The following GALNT17 variants were observed in gnomAD, a reference collection of about 807,000 sequenced individuals.
The protein encoded by GALNT17 is UDP-GalNAc:polypeptide N-acetylgalactosaminyltransferase-like 3.
Under a neutral mutation model 63.7 loss-of-function variants are expected in GALNT17, and 29 were observed. The observed-to-expected ratio is 0.46, with a 90% CI of 0.34 to 0.62. The LOEUF (loss-of-function observed/expected upper bound fraction) is 0.62. GALNT17 is among the 20% of genes least tolerant of loss of function. The probability of loss-of-function intolerance (pLI) is 0.01; values close to 1 mark genes in which losing one functional copy is unlikely to be tolerated. For synonymous variants in GALNT17, 305 were observed against 318.3 expected, an observed-to-expected ratio of 0.96 and a Z score of 0.45; for missense variants, 603 against 799.6, an observed-to-expected ratio of 0.75 and a Z score of 2.97.
At chr7:71,597,323 G>A (rs1789901646) in intron 6 of GALNT17, among the ~76,000 whole-genome samples, 1 of 152,104 alleles carries the variant, frequency 6.6e-6, no homozygotes, top group African/African-American at 2.4e-5. Flanking sequence ...ACAGGCGTGA[G>A]CCACCGTGCC....
chr7:71,360,779 C>G (rs2707429), intron 2 of GALNT17, among the ~76,000 whole-genome samples: 1 of 152,002 alleles, frequency 6.6e-6, no homozygotes, highest in Non-Finnish European at 1.5e-5. Context: ...CTAAAAAAAA[C>G]CCACAAAAAT....
At chr7:71,143,809 G>A (rs1787963155) in intron 1 of GALNT17, among the ~76,000 whole-genome samples, 2 of 151,998 alleles carry the variant, frequency 1.3e-5, no homozygotes, top group Non-Finnish European at 2.9e-5. Context: ...TGAGGCTAAG[G>A]TGGGAGGATC....
At chr7:71,287,409 T>C (rs1790894727) in intron 1 of GALNT17, among the ~76,000 whole-genome samples, 1 of 152,072 alleles carries the variant, frequency 6.6e-6, no homozygotes, top group Non-Finnish European at 1.5e-5. Context: ...GTCCTTAAAG[T>C]GCTTAAGAAA....
At chr7:71,512,494 C>T (rs57828696) in intron 5 of GALNT17, among the ~76,000 whole-genome samples, 2,269 of 152,266 alleles carry the variant, frequency 0.015, 53 homozygotes, top group African/African-American at 0.051. Flanking sequence ...CACCAGCCTT[C>T]TGGGAAGATG....
intron 1 of GALNT17, among the ~76,000 whole-genome samples, chr7:71,283,648 G>A (rs1318772971): frequency 6.6e-6 from 1 of 152,092 alleles, no homozygotes; most frequent in Admixed American, 6.6e-5. Context: ...CCTGTTGTGG[G>A]AGGGACCTGG....
intron 1 of GALNT17, among the ~76,000 whole-genome samples, chr7:71,327,129 T>C (rs6954649): frequency 0.64 from 96,603 of 151,476 alleles, 31,077 homozygotes; most frequent in African/African-American, 0.73. Flanking sequence ...GGTGACCACA[T>C]GTATGCCATT....
chr7:71,637,488 C>CTTT (rs1790544355), intron 6 of GALNT17, among the ~76,000 whole-genome samples: 1 of 128,494 alleles, frequency 7.8e-6, no homozygotes, highest in Non-Finnish European at 1.7e-5. Context: ...CGCACCTGGC[C>CTTT]ATTTTTTTTT....
intron 6 of GALNT17, among the ~76,000 whole-genome samples, chr7:71,647,939 T>C (rs568556110): frequency 4.6e-4 from 70 of 152,318 alleles, no homozygotes; most frequent in African/African-American, 1.3e-3. Flanking sequence ...CATTGCGGGC[T>C]GTGCAACAGG....
At chr7:71,357,475 G>A (rs933217298) in intron 2 of GALNT17, among the ~76,000 whole-genome samples, 1 of 152,152 alleles carries the variant, frequency 6.6e-6, no homozygotes, top group Non-Finnish European at 1.5e-5. Context: ...TCTCAAAAAG[G>A]TGAGGGACTG....
intron 5 of GALNT17, among the ~76,000 whole-genome samples, chr7:71,494,376 T>C (rs772167260): frequency 6.6e-6 from 1 of 152,052 alleles, no homozygotes; most frequent in Non-Finnish European, 1.5e-5. Flanking sequence ...CACAGGGTCT[T>C]GCTCTGTCAC....
intron 5 of GALNT17, among the ~76,000 whole-genome samples, chr7:71,457,905 C>G (rs1787383421): frequency 6.6e-6 from 1 of 152,186 alleles, no homozygotes; most frequent in African/African-American, 2.4e-5. Context: ...TGGAGTTGCT[C>G]TGTTTCAAAC....
At chr7:71,289,252 A>G (rs1224986931) in intron 1 of GALNT17, among the ~76,000 whole-genome samples, 1 of 150,900 alleles carries the variant, frequency 6.6e-6, no homozygotes, top group Non-Finnish European at 1.5e-5. Context: ...TGTTATCCCA[A>G]TCATTATTGG....
At chr7:71,549,121 C>T (rs551485411) in intron 5 of GALNT17, among the ~76,000 whole-genome samples, 16 of 152,142 alleles carry the variant, frequency 1.1e-4, no homozygotes, top group South Asian at 4.1e-4. Context: ...ATAGAGTCCA[C>T]GTTTCAGCTG....
At chr7:71,529,723 G>A (rs1002566800) in intron 5 of GALNT17, among the ~76,000 whole-genome samples, 6 of 152,128 alleles carry the variant, frequency 3.9e-5, no homozygotes, top group African/African-American at 9.7e-5. Context: ...AGCAGATGAG[G>A]CATGCATGCC....
At chr7:71,415,769 T>G (rs976843175) in intron 3 of GALNT17, 120 bp from the exon 4 acceptor site, 1 of 1,159,538 alleles carries the variant, frequency 8.6e-7, no homozygotes, top group African/African-American at 1.6e-5. Context: ...CCAGAATTAC[T>G]AACATGCGAT....
chr7:71,509,019 AAC>A (rs1788311085), intron 5 of GALNT17, among the ~76,000 whole-genome samples: 2 of 152,244 alleles, frequency 1.3e-5, no homozygotes, highest in South Asian at 2.1e-4. Flanking sequence ...CCACCATAAA[AAC>A]AGTTTCCGAC....
chr7:71,461,926 T>C (rs1389265433), intron 5 of GALNT17, among the ~76,000 whole-genome samples: 2 of 152,234 alleles, frequency 1.3e-5, no homozygotes, highest in Non-Finnish European at 2.9e-5. Context: ...ATGCCTATCT[T>C]TAACCTCTGG....
In GALNT17 at chr7:71,420,900, T is replaced by C. The variant is rs759983467; in HGVS notation, c.765-8T>C. On this transcript the variant is annotated splice_polypyrimidine_tract_variant and splice_region_variant and intron_variant, in intron 4 of 10. Coordinates refer to ENST00000333538, the MANE Select transcript of GALNT17 (RefSeq NM_022479.3). The stretch of plus-strand genomic sequence containing the variant: ...GAGAGGTTTCATGTCTATTTCTCTA[T>C]GTTTCAGGGCTGAGCCGGTTCTATC... 10 of 1,608,822 alleles carry C rather than the reference T, an allele frequency of 6.2e-6. No individual in the cohort carries two copies. The East Asian group carries it at 1.1e-4, about 18-fold the overall frequency.
intron 1 of GALNT17, among the ~76,000 whole-genome samples, chr7:71,168,432 T>C (rs974677069): frequency 6.6e-6 from 1 of 151,704 alleles, no homozygotes; most frequent in African/African-American, 2.4e-5. Context: ...ATTAGCTGGG[T>C]GTGGTGGCGG....
Sources: gnomAD v4.1 joint callset for allele counts (sites outside exome capture counted in the v4.1 genomes callset) on GRCh38, gnomAD v4.1.1 for gene constraint, MANE v1.5 for transcripts, NCBI Gene and HGNC (gene_info 2026-07-23, HGNC 2026-07-21) for gene names.